HMGCS1: variants seen among roughly 807,000 people sequenced by gnomAD.
HMGCS1 encodes hydroxymethylglutaryl-CoA synthase, cytoplasmic.
HMGCS1 carries 9 observed loss-of-function variants against 52.3 expected under a neutral mutation model. The ratio of observed to expected loss-of-function variants is 0.17; its 90% confidence interval spans 0.10 to 0.30. The LOEUF (loss-of-function observed/expected upper bound fraction) is 0.30. Ranked by LOEUF, HMGCS1 falls within the 10% of genes least tolerant of loss-of-function variation. The pLI, the probability that HMGCS1 is intolerant of heterozygous loss-of-function variation, is 1.00. For synonymous variants in HMGCS1, 176 were observed against 214.4 expected (o/e 0.82, Z 1.57); for missense variants, 320 against 620.9 (o/e 0.52, Z 5.15).
intron 10 of HMGCS1, among the ~76,000 whole-genome samples, chr5:43,291,510 TG>T (rs1753766422): frequency 6.6e-6 from 1 of 152,060 alleles, no homozygotes; most frequent in South Asian, 2.1e-4. Flanking sequence ...ACTCAAACAG[TG>T]GCGGTTTGAC....
chr5:43,298,198 G>A lies in HMGCS1; in HGVS notation c.449-64C>T. On this transcript the variant is annotated intron_variant, in intron 3 of 10. Coordinates refer to ENST00000325110, the MANE Select transcript of HMGCS1 (RefSeq NM_001098272.3). The surrounding 1 kb of genome is among the most constrained non-coding windows in gnomAD (Gnocchi z 5.6). ...AACACTATAACCAAACATGGAAACTGAAGTCTGTTATATTTTCCCCAGAAT... is the reference window on the plus strand; with the variant it reads ...AACACTATAACCAAACATGGAAACTAAAGTCTGTTATATTTTCCCCAGAAT... 7.3e-7 allele frequency: 1 copy of A among 1,377,348 alleles called. No individual in the cohort carries two copies. The highest frequency in any genetic ancestry group is 1.4e-5 in the African/African-American group (1 of 69,154). 85.3% of individuals were successfully genotyped at this position (1,377,348 alleles called of 1,614,324 possible). A position where few individuals can be genotyped will look rare whatever the true frequency, so the allele number is the denominator to read the frequency against.
intron 6 of HMGCS1, among the ~76,000 whole-genome samples, chr5:43,295,163 C>G (rs889762041): frequency 6.6e-6 from 1 of 152,142 alleles, no homozygotes; most frequent in Non-Finnish European, 1.5e-5. Context: ...ATTCAATCAA[C>G]TGAATATTCA....
In HMGCS1 at chr5:43,297,177, CA is replaced by C; in HGVS notation, c.575-12del. On this transcript the variant is annotated splice_polypyrimidine_tract_variant and intron_variant, in intron 4 of 10. Transcript: ENST00000325110. ...GTGTCCCACGAAGCCCTATTAGAAC[CA>C]AAAAGGAAGATGTCTATATATTTCT... 1 of 1,599,132 alleles carries C rather than the reference CA, an allele frequency of 6.3e-7. No homozygotes were observed. Among genetic ancestry groups the C allele is most frequent in the Non-Finnish European group, 8.5e-7 (1 of 1,173,972 alleles).
At position 43,291,079 on chromosome 5, in the gene HMGCS1, A is replaced by C; in HGVS notation, c.*52T>G. 1 of 780,102 alleles carries C rather than the reference A, an allele frequency of 1.3e-6. No individual in the cohort carries two copies. Among genetic ancestry groups the C allele is most frequent in the South Asian group, 1.4e-5 (1 of 73,214 alleles). 48.3% of individuals were successfully genotyped at this position (780,102 alleles called of 1,614,324 possible). ...ATCCCATTCCTCCAACTGTTCCCAT[A>C]CCCCCACCCCATGCCCACCCCACCC... On this transcript the variant is annotated 3_prime_UTR_variant, in exon 11 of 11. Transcript: ENST00000325110.
At position 43,298,302 on chromosome 5, in the gene HMGCS1, ATCTGACTAAAT is replaced by A. The variant is rs140406956; in HGVS notation, c.449-179_449-169del. On this transcript the variant is annotated intron_variant, in intron 3 of 10. Transcript: ENST00000325110. This position sits in a 1 kb window ranked among gnomAD's most constrained non-coding sequence, Gnocchi z 5.6. ...TTCATCTGCCAAGGCTCTGTCATCC[ATCTGACTAAAT>A]TTTGAATAGACCATTTGTCCTACAA... 0.03 allele frequency: 20,862 copies of A among 699,484 alleles called. 906 individuals are homozygous for A. Among genetic ancestry groups the A allele is most frequent in the African/African-American group, 0.16 (9,016 of 55,756 alleles). 43.3% of individuals were successfully genotyped at this position (699,484 alleles called of 1,614,324 possible).
In HMGCS1 at chr5:43,309,510, G is replaced by C. The variant is rs983616044; in HGVS notation, c.-69-1686C>G. 2.0e-5 allele frequency among the ~76,000 whole-genome samples: 3 copies of C among 152,282 alleles called. No homozygotes were observed. In the East Asian group the frequency reaches 5.8e-4, roughly 29 times the overall value. ...CCACTTTGGCCTCCCAAAGTGCTGG[G>C]ATTATAGGCGTGGGCCACCTTGCCT... On this transcript the variant is annotated intron_variant, in intron 1 of 10. Coordinates refer to ENST00000325110, the MANE Select transcript of HMGCS1 (RefSeq NM_001098272.3).
rs112595821 is a variant in HMGCS1 at position 43,292,811 on chromosome 5, C to T, written c.1309+37G>A. 13 of 1,606,416 alleles carry T rather than the reference C, an allele frequency of 8.1e-6. No homozygotes were observed. In the African/African-American group the frequency reaches 1.2e-4, roughly 15 times the overall value. On this transcript the variant is annotated intron_variant, in intron 9 of 10. Coordinates refer to ENST00000325110, the MANE Select transcript of HMGCS1 (RefSeq NM_001098272.3). ...AGCATCCTTAATGATATCAGCCCTC[C>T]AAATGGGTTAACTTAAAGAACATTT...
intron 2 of HMGCS1, among the ~76,000 whole-genome samples, chr5:43,304,252 C>T (rs1458086610): frequency 6.6e-6 from 1 of 152,200 alleles, no homozygotes; most frequent in Admixed American, 6.5e-5. Flanking sequence ...CAGCCTTTCC[C>T]ACAAGGCTAC....
intron 1 of HMGCS1, among the ~76,000 whole-genome samples, chr5:43,309,959 T>TC (rs1291447701): frequency 1.3e-5 from 2 of 152,238 alleles, no homozygotes; most frequent in African/African-American, 4.8e-5. Context: ...TCCTTCTGGC[T>TC]CCCTCCTTAG....
In HMGCS1 at chr5:43,298,143, T is replaced by C. The variant is rs1318106868; in HGVS notation, c.449-9A>G. ...TACCAGGGCATACCGTCCTGAAAAA[T>C]ATTTTTTGTTATTTCACAAGAAGGA... is the stretch of plus-strand genomic sequence containing the variant. On this transcript the variant is annotated splice_polypyrimidine_tract_variant and intron_variant, in intron 3 of 10. Coordinates refer to ENST00000325110, the MANE Select transcript of HMGCS1 (RefSeq NM_001098272.3). The surrounding 1 kb of genome is among the most constrained non-coding windows in gnomAD (Gnocchi z 5.6). 6.3e-7 allele frequency: 1 copy of C among 1,596,942 alleles called. No individual in the cohort carries two copies. Among genetic ancestry groups the C allele is most frequent in the South Asian group, 1.1e-5 (1 of 87,496 alleles).
rs1207164273 is a variant in HMGCS1 at position 43,288,426 on chromosome 5, G to A, written c.*2705C>T. On this transcript the variant is annotated 3_prime_UTR_variant, in exon 11 of 11. Transcript: ENST00000325110. ...AAGATCCTGTTACCCTTGCTCTGTT[G>A]ACTGCCACTTCAGTGTTTCTTTCAG... The A allele has an allele frequency of 1.3e-5, 2 of 152,144 alleles. No individual in the cohort carries two copies. Among genetic ancestry groups the A allele is most frequent in the Non-Finnish European group, 2.9e-5 (2 of 68,030 alleles). 9.4% of individuals were successfully genotyped at this position (152,144 alleles called of 1,614,324 possible). A position where few individuals can be genotyped will look rare whatever the true frequency, so the allele number is the denominator to read the frequency against.
chr5:43,297,570 G>A (rs1363888513), intron 4 of HMGCS1, among the ~76,000 whole-genome samples: 1 of 152,224 alleles, frequency 6.6e-6, no homozygotes, highest in South Asian at 2.1e-4. Flanking sequence ...GCCAGGCATG[G>A]TGGCTTACGC....
At chr5:43,306,439 T>C (rs1028483071) in intron 2 of HMGCS1, among the ~76,000 whole-genome samples, 1 of 152,198 alleles carries the variant, frequency 6.6e-6, no homozygotes, top group Non-Finnish European at 1.5e-5. Context: ...CTCTTCTCTG[T>C]CATAGGCCAA....
At chr5:43,300,059 A>G (rs1754236238) in intron 2 of HMGCS1, among the ~76,000 whole-genome samples, 1 of 152,202 alleles carries the variant, frequency 6.6e-6, no homozygotes, top group Admixed American at 6.5e-5. Flanking sequence ...CCAGAGACCC[A>G]AAGTCCCACT....
In HMGCS1 at chr5:43,290,034, ACTT is replaced by A. The variant is rs1050708076; in HGVS notation, c.*1094_*1096del. On this transcript the variant is annotated 3_prime_UTR_variant, in exon 11 of 11. Coordinates refer to ENST00000325110, the MANE Select transcript of HMGCS1 (RefSeq NM_001098272.3). ...CCTACTTCAGACCTTGAAGTGGAAT[ACTT>A]CTAGTCAGACTAGGTAAAAACTTGG... The A allele has an allele frequency of 6.6e-5, 10 of 152,162 alleles. No individual in the cohort carries two copies. Among genetic ancestry groups the A allele is most frequent in the African/African-American group, 2.4e-4 (10 of 41,282 alleles). The allele number at this position is 152,162 out of a possible 1,614,324, so 9.4% of individuals were successfully genotyped here.
chr5:43,311,288 C>A (rs897647449), intron 1 of HMGCS1, among the ~76,000 whole-genome samples: 7 of 148,826 alleles, frequency 4.7e-5, no homozygotes, highest in African/African-American at 7.5e-5. Context: ...CTGCTGCACT[C>A]CAGCTTGGGC....
At chr5:43,305,165 T>G (rs951998175) in intron 2 of HMGCS1, among the ~76,000 whole-genome samples, 2 of 152,064 alleles carry the variant, frequency 1.3e-5, no homozygotes, top group Admixed American at 1.3e-4. Flanking sequence ...TTTGTATTTT[T>G]AATAGAGATG....
chr5:43,307,524 T>A (rs1754639184), intron 2 of HMGCS1, among the ~76,000 whole-genome samples: 1 of 152,220 alleles, frequency 6.6e-6, no homozygotes, highest in South Asian at 2.1e-4. Flanking sequence ...GTACTTTTTC[T>A]CTTATGAGTG....
Position 43,290,635 on chromosome 5 carries a change from C to T in HMGCS1, c.*496G>A, listed in dbSNP as rs548445407. On this transcript the variant is annotated 3_prime_UTR_variant, in exon 11 of 11. Transcript: ENST00000325110. ...AAGGGTTTGTGCGTATCACATTTTACCACATTTTACCCCAATTTTACCACA... is the reference window on the plus strand; with the variant it reads ...AAGGGTTTGTGCGTATCACATTTTATCACATTTTACCCCAATTTTACCACA... The T allele has an allele frequency of 1.3e-5, 2 of 152,698 alleles. No homozygotes were observed. The highest frequency in any genetic ancestry group is 1.9e-4 in the East Asian group (1 of 5,200). The allele number at this position is 152,698 out of a possible 1,614,324, so 9.5% of individuals were successfully genotyped here.
Sources: allele counts gnomAD v4.1 joint callset (sites outside exome capture counted in the v4.1 genomes callset), GRCh38; gene constraint gnomAD v4.1.1; non-coding constraint Gnocchi (gnomAD v3.1); transcripts MANE v1.5; gene names NCBI Gene and HGNC (gene_info 2026-07-23, HGNC 2026-07-21).